TERF2IP: variants seen among roughly 807,000 people sequenced by gnomAD.
The protein encoded by TERF2IP is TERF2 interacting protein, also known as telomeric repeat-binding factor 2-interacting protein 1.
A neutral mutation model predicts 33.3 loss-of-function variants in TERF2IP; 35 were observed. That is an observed-to-expected ratio of 1.05 (90% CI 0.80 to 1.39). TERF2IP has a LOEUF of 1.39. TERF2IP is among the 40% of genes most tolerant of loss of function. The pLI, the probability that TERF2IP is intolerant of heterozygous loss-of-function variation, is 0.00. For missense variants in TERF2IP, 583 were observed against 524.8 expected (o/e 1.11, Z -1.08); for synonymous variants, 253 against 223.2 (o/e 1.13, Z -1.19).
chr16:75,655,847 A>T (rs1280994174), intron 2 of TERF2IP, among the ~76,000 whole-genome samples: 1 of 152,180 alleles, frequency 6.6e-6, no homozygotes, highest in Non-Finnish European at 1.5e-5. Flanking sequence ...AATCTAATGA[A>T]CATGTGTGCA....
chr16:75,654,173 A>AAAT, intron 1 of TERF2IP, 100 bp from the exon 2 acceptor site: 1 of 716,328 alleles, frequency 1.4e-6, no homozygotes, highest in Non-Finnish European at 2.0e-6. Context: ...AAAAAAAAAA[A>AAAT]GTGCAGGCTC....
intron 1 of TERF2IP, among the ~76,000 whole-genome samples, chr16:75,651,165 A>G (rs1408657455): frequency 6.6e-6 from 1 of 152,148 alleles, no homozygotes; most frequent in Admixed American, 6.5e-5. Flanking sequence ...AAAATTAAGA[A>G]CTTCTCATGA....
rs532891674 is a variant in TERF2IP at position 75,656,245 on chromosome 16, T to C, written c.834T>C (p.Thr278=). 1 of 1,613,682 alleles carries C rather than the reference T, an allele frequency of 6.2e-7. No individual in the cohort carries two copies. The highest frequency in any genetic ancestry group is 1.1e-5 in the South Asian group (1 of 91,066). ...CTCCTGATTTTGAAATACATATAAC[T>C]ATGTGTGATGATGATCCACCCACAC... is the stretch of plus-strand genomic sequence containing the variant. The part of the protein sequence containing the change: ...ESPPDFEIHI[T]MCDDDPPTPE... Residue 278 remains threonine (T), a synonymous_variant, in exon 3 of 3, where the codon ACT becomes ACC. Coordinates refer to ENST00000300086, the MANE Select transcript of TERF2IP (RefSeq NM_018975.4).
chr16:75,651,114 C>T (rs1184642015), intron 1 of TERF2IP, among the ~76,000 whole-genome samples: 1 of 151,732 alleles, frequency 6.6e-6, no homozygotes, highest in Admixed American at 6.6e-5. Flanking sequence ...AGTTATGAAG[C>T]CAAAAAGACA....
Position 75,647,940 on chromosome 16 carries a change from CTGTT to C in TERF2IP, c.59_62del (p.Leu20ProfsTer2). 1 of 1,613,352 alleles carries C rather than the reference CTGTT, an allele frequency of 6.2e-7. No homozygotes were observed. The highest frequency in any genetic ancestry group is 2.2e-5 in the East Asian group (1 of 44,850). ...CAACGGGCCCACCCATTCCTCGACT[CTGTT>C]CGTGAGGGACGACGGCAGCTCCATG... On this transcript the variant is annotated frameshift_variant, in exon 1 of 3. Coordinates refer to ENST00000300086, the MANE Select transcript of TERF2IP (RefSeq NM_018975.4). LOFTEE classifies it high-confidence loss of function.
intron 2 of TERF2IP, among the ~76,000 whole-genome samples, chr16:75,654,657 G>GAA (rs1410583189): frequency 2.6e-5 from 4 of 152,166 alleles, no homozygotes; most frequent in African/African-American, 9.6e-5. Context: ...AGGGACAGTT[G>GAA]TATAAACAGT....
rs200023051 is a variant in TERF2IP, at chr16:75,656,464, G to A, written c.1053G>A (p.Ala351=). The change falls in exon 3 of 3, where the codon GCG becomes GCA. Residue 351 remains alanine, a synonymous_variant. Transcript: ENST00000300086. ...GELEATSAFL[A]SGQRADGYPI... is the part of the protein sequence containing the mutation. ...TGGAGGCTACTTCCGCCTTCTTAGC[G>A]TCTGGTCAGAGAGCTGATGGATATC... The A allele has an allele frequency of 3.4e-5, 55 of 1,614,184 alleles. No individual in the cohort carries two copies. The highest frequency in any genetic ancestry group is 1.6e-4 in the East Asian group (7 of 44,886).
intron 1 of TERF2IP, among the ~76,000 whole-genome samples, chr16:75,653,958 A>G (rs2151819618): frequency 6.6e-6 from 1 of 152,256 alleles, no homozygotes; most frequent in South Asian, 2.1e-4. Flanking sequence ...ACACATTTTT[A>G]TTAATTTGCA....
At chr16:75,655,008 G>T (rs981332979) in intron 2 of TERF2IP, among the ~76,000 whole-genome samples, 1 of 149,428 alleles carries the variant, frequency 6.7e-6, no homozygotes, top group Non-Finnish European at 1.5e-5. Flanking sequence ...GATTACAGGC[G>T]TGAGCCACCG....
At position 75,648,338 on chromosome 16, in the gene TERF2IP, C is replaced by G; in HGVS notation, c.456C>G (p.Ala152=). 1 of 1,582,808 alleles carries G rather than the reference C, an allele frequency of 6.3e-7. No homozygotes were observed. The highest frequency in any genetic ancestry group is 8.6e-7 in the Non-Finnish European group (1 of 1,164,680). Reference sequence around the variant, plus strand: ...TCCTTACCTACGTGAAGGAAAATGCCCGCTCGCCCAGCTCCGTCACCGGTA... The same window carrying G: ...TCCTTACCTACGTGAAGGAAAATGCGCGCTCGCCCAGCTCCGTCACCGGTA... ...VAILTYVKEN[A]RSPSSVTGNA... The change falls in exon 1 of 3, where the codon GCC becomes GCG. Residue 152 remains alanine, a synonymous_variant. Coordinates refer to ENST00000300086, the MANE Select transcript of TERF2IP (RefSeq NM_018975.4).
At chr16:75,656,017 G>A (rs1028854488) in intron 2 of TERF2IP, among the ~76,000 whole-genome samples, 190 bp from the exon 3 acceptor site, 4 of 151,550 alleles carry the variant, frequency 2.6e-5, no homozygotes, top group South Asian at 2.1e-4. Flanking sequence ...ACACACACAC[G>A]CGTGTACATA....
intron 2 of TERF2IP, among the ~76,000 whole-genome samples, 155 bp from the exon 3 acceptor site, chr16:75,656,052 A>G (rs748979688): frequency 1.3e-5 from 2 of 152,190 alleles, no homozygotes; most frequent in Non-Finnish European, 2.9e-5. Flanking sequence ...ACATGAATAA[A>G]TGTAAGAAGG....
chr16:75,648,388 A>G lies in TERF2IP; in HGVS notation c.506A>G (p.Lys169Arg). ...TGNALWKAME[K>R]SSLTQHSWQS... is the part of the protein sequence containing the mutation. ...AACGCCTTGTGGAAAGCGATGGAGA[A>G]GAGCTCGCTCACGCAGCACTCGTGG... The change falls in exon 1 of 3, where the codon AAG becomes AGG. Residue 169 changes from lysine (K) to arginine (R), a missense_variant. By Grantham distance (26) the Lys-to-Arg change is conservative. Transcript: ENST00000300086. 6.2e-7 allele frequency: 1 copy of G among 1,607,020 alleles called. No individual in the cohort carries two copies. Among genetic ancestry groups the G allele is most frequent in the Non-Finnish European group, 8.5e-7 (1 of 1,177,202 alleles).
At chr16:75,649,380 C>G (rs189018435) in intron 1 of TERF2IP, among the ~76,000 whole-genome samples, 2 of 152,148 alleles carry the variant, frequency 1.3e-5, no homozygotes, top group Non-Finnish European at 2.9e-5. Context: ...GCCGCCCCTA[C>G]TAAAAATACA....
chr16:75,647,822 G>A lies in TERF2IP; in HGVS notation c.-61G>A, dbSNP rs2082309997. 6.3e-7 allele frequency: 1 copy of A among 1,597,656 alleles called. No individual in the cohort carries two copies. Among genetic ancestry groups the A allele is most frequent in the Non-Finnish European group, 8.6e-7 (1 of 1,168,736 alleles). ...GTCTGCGGTGACAGCTCAGTCAGTT[G>A]AGCTCTGTGTGCCAGGCGCTCGCGA... On this transcript the variant is annotated 5_prime_UTR_variant, in exon 1 of 3. Coordinates refer to ENST00000300086, the MANE Select transcript of TERF2IP (RefSeq NM_018975.4).
chr16:75,653,500 A>G (rs897624244), intron 1 of TERF2IP, among the ~76,000 whole-genome samples: 4 of 152,214 alleles, frequency 2.6e-5, no homozygotes, highest in Admixed American at 6.5e-5. Context: ...CCTTTGTAGT[A>G]TGTTTTAGTA....
At chr16:75,654,148 TAAAAAAAAAA>T (rs34359798) in intron 1 of TERF2IP, 115 bp from the exon 2 acceptor site, 2 of 289,722 alleles carry the variant, frequency 6.9e-6, no homozygotes, top group Non-Finnish European at 1.0e-5. Context: ...CTTCTGATAG[TAAAAAAAAAA>T]AAAAAAAAAA....
chr16:75,653,735 C>T (rs1448954179), intron 1 of TERF2IP, among the ~76,000 whole-genome samples: 1 of 152,116 alleles, frequency 6.6e-6, no homozygotes, highest in Non-Finnish European at 1.5e-5. Context: ...ACAAAGTCTG[C>T]TCCTTGGCCC....
chr16:75,647,879 A>G lies in TERF2IP; in HGVS notation c.-4A>G, dbSNP rs1158925912. 6.9e-6 allele frequency: 11 copies of G among 1,603,010 alleles called. No individual in the cohort carries two copies. The highest frequency in any genetic ancestry group is 8.5e-6 in the Non-Finnish European group (10 of 1,172,174). ...AGCTCTTCTAGTAGTGCTCGGCGTC[A>G]GACATGGCGGAGGCGATGGATTTGG... On this transcript the variant is annotated 5_prime_UTR_variant, in exon 1 of 3. Coordinates refer to ENST00000300086, the MANE Select transcript of TERF2IP (RefSeq NM_018975.4).
Sources: gnomAD v4.1 joint callset for allele counts (sites outside exome capture counted in the v4.1 genomes callset) on GRCh38, gnomAD v4.1.1 for gene constraint, MANE v1.5 for transcripts, NCBI Gene and HGNC (gene_info 2026-07-23, HGNC 2026-07-21) for gene names.